HABP2: variants seen among roughly 807,000 people sequenced by gnomAD.
HABP2 encodes hyaluronan binding protein 2.
A neutral mutation model predicts 66.5 loss-of-function variants in HABP2; 65 were observed. The observed-to-expected ratio is 0.98, with a 90% CI of 0.80 to 1.20. The LOEUF is 1.20. HABP2 is among the 50% of genes most tolerant of loss of function. The pLI, the probability that HABP2 is intolerant of heterozygous loss-of-function variation, is 0.00. For missense variants in HABP2, 786 were observed against 691.0 expected (o/e 1.14, Z -1.54); for synonymous variants, 263 against 253.9 (o/e 1.04, Z -0.34).
intron 2 of HABP2, among the ~76,000 whole-genome samples, chr10:113,568,837 T>C (rs1007566520): frequency 6.6e-6 from 1 of 152,052 alleles, no homozygotes; most frequent in East Asian, 1.9e-4. Context: ...GAAAAAGAAG[T>C]GCGGAAGACT....
chr10:113,570,264 G>A (rs986732076), intron 2 of HABP2: 4 of 152,212 alleles, frequency 2.6e-5, no homozygotes, highest in African/African-American at 9.6e-5. Flanking sequence ...AAGTAAGATT[G>A]TGGGCAACCA....
intron 2 of HABP2, chr10:113,569,712 T>G (rs1176280638): frequency 1.3e-5 from 2 of 152,274 alleles, no homozygotes; most frequent in East Asian, 1.9e-4. Context: ...TGCCCAGCAA[T>G]GCAGGCTGAG....
chr10:113,553,806 T>A (rs1427652849), intron 1 of HABP2, among the ~76,000 whole-genome samples: 1 of 152,114 alleles, frequency 6.6e-6, no homozygotes, highest in African/African-American at 2.4e-5. Context: ...GGAAGGGAAG[T>A]CCCATCAGAG....
chr10:113,558,309 T>A (rs2133742428), intron 1 of HABP2, among the ~76,000 whole-genome samples: 1 of 152,384 alleles, frequency 6.6e-6, no homozygotes, highest in East Asian at 1.9e-4. Context: ...CTTAATACTT[T>A]TGTTAAAGAC....
chr10:113,551,577 G>A (rs1284052899), upstream of HABP2, among the ~76,000 whole-genome samples: 3 of 152,148 alleles, frequency 2.0e-5, no homozygotes, highest in Non-Finnish European at 2.9e-5. Flanking sequence ...AGCCTGAGGC[G>A]GGTGGATCAC....
At chr10:113,561,999 T>G (rs1845108243) in intron 1 of HABP2, among the ~76,000 whole-genome samples, 1 of 152,140 alleles carries the variant, frequency 6.6e-6, no homozygotes, top group Non-Finnish European at 1.5e-5. Context: ...CACCAGACTT[T>G]GAGACTCTGG....
intron 12 of HABP2, among the ~76,000 whole-genome samples, chr10:113,586,330 T>C (rs1845632698): frequency 6.6e-6 from 1 of 152,030 alleles, no homozygotes. Context: ...GGCCTCAGTG[T>C]AGGGCAGCCT....
chr10:113,567,517 TGGAC>T lies in HABP2; in HGVS notation c.99_102del (p.Asp34GlnfsTer155). 1 of 1,611,626 alleles carries T rather than the reference TGGAC, an allele frequency of 6.2e-7. No homozygotes were observed. The highest frequency in any genetic ancestry group is 8.5e-7 in the Non-Finnish European group (1 of 1,177,644). On this transcript the variant is annotated frameshift_variant, in exon 2 of 13. Coordinates refer to ENST00000351270, the MANE Select transcript of HABP2 (RefSeq NM_004132.5). LOFTEE classifies it high-confidence loss of function. ...TCCCTGATGTCTTTATTGGAAAGCC[TGGAC>T]CCAGGTAAGTGTGCTGATCTCCCTG...
At chr10:113,573,142 C>T (rs1845344334) in intron 2 of HABP2, among the ~76,000 whole-genome samples, 1 of 152,186 alleles carries the variant, frequency 6.6e-6, no homozygotes, top group South Asian at 2.1e-4. Flanking sequence ...CTTCAACTTG[C>T]CGACTTGCCA....
rs750946584 is a variant in HABP2, at chr10:113,578,683, A to T, written c.625A>T (p.Thr209Ser). 1 of 1,611,280 alleles carries T rather than the reference A, an allele frequency of 6.2e-7. No homozygotes were observed. The highest frequency in any genetic ancestry group is 1.1e-5 in the South Asian group (1 of 90,976). The change falls in exon 7 of 13, where the codon ACA becomes TCA. Residue 209 changes from threonine to serine, a missense_variant. Coordinates refer to ENST00000351270, the MANE Select transcript of HABP2 (RefSeq NM_004132.5). ...CTCTTACCGAGGGAAAATGAATAGG[A>T]CAGTCAACCAGCATGCGTGCCTTTA... Reference protein sequence around the residue: ...GYSYRGKMNRTVNQHACLYWN... With the variant: ...GYSYRGKMNRSVNQHACLYWN...
intron 1 of HABP2, among the ~76,000 whole-genome samples, chr10:113,566,001 T>A (rs1845190853): frequency 6.6e-6 from 1 of 152,250 alleles, no homozygotes; most frequent in Non-Finnish European, 1.5e-5. Flanking sequence ...TATTTCTTTT[T>A]ATTTTTCTTT....
intron 1 of HABP2, among the ~76,000 whole-genome samples, chr10:113,556,529 C>A (rs1389336722): frequency 6.6e-6 from 1 of 152,020 alleles, no homozygotes; most frequent in African/African-American, 2.4e-5. Flanking sequence ...AGCAACATAG[C>A]AAGACTCTGT....
At chr10:113,569,701 C>T (rs962731990) in intron 2 of HABP2, 1 of 152,324 alleles carries the variant, frequency 6.6e-6, no homozygotes, top group African/African-American at 2.4e-5. Flanking sequence ...TGGCTTGGCT[C>T]TGCCCAGCAA....
intron 2 of HABP2, among the ~76,000 whole-genome samples, chr10:113,573,157 C>T (rs1258899142): frequency 1.3e-5 from 2 of 152,210 alleles, no homozygotes; most frequent in South Asian, 4.1e-4. Flanking sequence ...TTGCCATACT[C>T]CAGCCGGCTG....
chr10:113,585,983 A>G (rs1406489700), intron 12 of HABP2, 45 bp downstream of exon 12: 1 of 1,572,020 alleles, frequency 6.4e-7, no homozygotes, highest in East Asian at 2.2e-5. Context: ...GGCTAGCAGG[A>G]TGTTTCACTA....
At position 113,553,134 on chromosome 10, in the gene HABP2, A is replaced by G; in HGVS notation, c.13A>G (p.Met5Val). Residue 5 changes from methionine (M) to valine (V), a missense_variant, in exon 1 of 13, where the codon ATG becomes GTG. Coordinates refer to ENST00000351270, the MANE Select transcript of HABP2 (RefSeq NM_004132.5). MFARMSDLHVLLLMA... is the reference protein window; with the variant it reads MFARVSDLHVLLLMA... Reference sequence around the variant, plus strand: ...TTAAACTGCAAAGATGTTTGCCAGGATGTCTGATCTCCATGTTCTGCTGTT... The same window carrying G: ...TTAAACTGCAAAGATGTTTGCCAGGGTGTCTGATCTCCATGTTCTGCTGTT... The G allele has an allele frequency of 6.2e-7, 1 of 1,613,550 alleles. No individual in the cohort carries two copies. The highest frequency in any genetic ancestry group is 8.5e-7 in the Non-Finnish European group (1 of 1,179,444).
intron 2 of HABP2, among the ~76,000 whole-genome samples, chr10:113,568,535 G>C (rs1168509207): frequency 6.6e-6 from 1 of 152,166 alleles, no homozygotes; most frequent in Non-Finnish European, 1.5e-5. Context: ...AATATATATT[G>C]GCATGGTGTG....
intron 3 of HABP2, among the ~76,000 whole-genome samples, chr10:113,574,933 GTGTGTA>G (rs891405551): frequency 3.7e-4 from 56 of 152,218 alleles, no homozygotes; most frequent in African/African-American, 1.3e-3. Flanking sequence ...TAGATTGTGT[GTGTGTA>G]TGTGTGCATA....
In HABP2 at chr10:113,582,103, T is replaced by C. The variant is rs932734053; in HGVS notation, c.1066T>C (p.Trp356Arg). 6.2e-7 allele frequency: 1 copy of C among 1,609,444 alleles called. No homozygotes were observed. The highest frequency in any genetic ancestry group is 8.5e-7 in the Non-Finnish European group (1 of 1,179,856). The change falls in exon 9 of 13, where the codon TGG becomes CGG. Residue 356 changes from tryptophan (W) to arginine (R), a missense_variant. Coordinates refer to ENST00000351270, the MANE Select transcript of HABP2 (RefSeq NM_004132.5). The stretch of plus-strand genomic sequence containing the variant: ...TGGTGGGGCGCTGATCCACCCCTGC[T>C]GGGTGCTCACTGCTGCCCACTGCAC... The part of the protein sequence containing the change: ...FCGGALIHPC[W>R]VLTAAHCTDI...
Sources: gnomAD v4.1 joint callset for allele counts (sites outside exome capture counted in the v4.1 genomes callset) on GRCh38, gnomAD v4.1.1 for gene constraint, MANE v1.5 for transcripts, NCBI Gene and HGNC (gene_info 2026-07-23, HGNC 2026-07-21) for gene names.